Variants in ODAD2 observed in about 807,000 individuals in gnomAD.
The protein encoded by ODAD2 is outer dynein arm docking complex subunit 2.
ODAD2 carries 89 observed loss-of-function variants against 106.8 expected under a neutral mutation model. The ratio of observed to expected loss-of-function variants is 0.83; its 90% CI spans 0.70 to 0.99. ODAD2 has a LOEUF of 0.99. ODAD2 is among the 50% of genes least tolerant of loss of function. The pLI, the probability that ODAD2 is intolerant of heterozygous loss-of-function variation, is 0.00. For synonymous variants in ODAD2, 404 were observed against 436.2 expected (o/e 0.93, Z 0.92); for missense variants, 1,168 against 1,238.5 (o/e 0.94, Z 0.85).
chr10:27,950,366 C>T (rs1847245679), intron 10 of ODAD2, among the ~76,000 whole-genome samples: 1 of 152,248 alleles, frequency 6.6e-6, no homozygotes, highest in Non-Finnish European at 1.5e-5. Context: ...TGCTTTCCTT[C>T]TGTTTATTTG....
At chr10:27,959,805 C>T (rs1847997178) in intron 10 of ODAD2, among the ~76,000 whole-genome samples, 1 of 151,986 alleles carries the variant, frequency 6.6e-6, no homozygotes, top group Admixed American at 6.6e-5. Flanking sequence ...TCATAATAAA[C>T]AGTGAATCAT....
chr10:27,835,315 G>C (rs747631889), intron 19 of ODAD2, among the ~76,000 whole-genome samples: 1 of 152,194 alleles, frequency 6.6e-6, no homozygotes, highest in Non-Finnish European at 1.5e-5. Flanking sequence ...GTACAGGAAC[G>C]GGACTTTAAT....
intron 16 of ODAD2, among the ~76,000 whole-genome samples, chr10:27,909,778 A>G (rs1843862061): frequency 7.3e-6 from 1 of 137,328 alleles, no homozygotes; most frequent in South Asian, 2.5e-4. Flanking sequence ...AGATTGCACC[A>G]CTGCACTCCA....
intron 17 of ODAD2, among the ~76,000 whole-genome samples, chr10:27,877,960 A>G (rs1009673441): frequency 3.4e-4 from 51 of 152,186 alleles, no homozygotes; most frequent in African/African-American, 1.2e-3. Flanking sequence ...GACAAAACAA[A>G]AAACTTAGCT....
chr10:27,827,378 AC>A (rs1438340089), intron 19 of ODAD2, among the ~76,000 whole-genome samples: 2 of 47,568 alleles, frequency 4.2e-5, no homozygotes, highest in African/African-American at 1.3e-4. Context: ...ACACACACAC[AC>A]TATATATATA....
Position 27,940,587 on chromosome 10 carries a change from C to G in ODAD2, c.1962G>C (p.Gly654=). The G allele has an allele frequency of 6.2e-7, 1 of 1,614,084 alleles. No homozygotes were observed. The highest frequency in any genetic ancestry group is 1.6e-4 in the Middle Eastern group (1 of 6,062). Residue 654 remains glycine, a synonymous_variant, in exon 13 of 20, where the codon GGG becomes GGC. Coordinates refer to ENST00000305242, the MANE Select transcript of ODAD2 (RefSeq NM_018076.5). ...SHENMLIPVV[G]TLQECASEEN... is the part of the protein sequence containing the mutation. ...CCTCTGATGCACACTCTTGCAATGT[C>G]CCCACCACTGGAATTAGCATGTTTT...
In ODAD2 at chr10:27,985,433, C is replaced by A. The variant is rs7081236; in HGVS notation, c.383-222G>T. Among the ~76,000 whole-genome samples, 36,148 of 152,116 alleles carry A rather than the reference C, an allele frequency of 0.24. 4,442 individuals are homozygous for A. The highest frequency in any genetic ancestry group is 0.3 in the Middle Eastern group (89 of 294). On this transcript the variant is annotated intron_variant, in intron 3 of 19. Transcript: ENST00000305242. ...GATGCTCTAGTTTGTATTGTAACAT[C>A]ATCTATATATCTCCCTAATAGCACA...
chr10:27,838,434 A>G (rs930607448), intron 19 of ODAD2, among the ~76,000 whole-genome samples: 1 of 152,214 alleles, frequency 6.6e-6, no homozygotes, highest in Non-Finnish European at 1.5e-5. Context: ...GTGAGAACAA[A>G]TAGTTGTTGG....
chr10:27,993,376 G>C (rs753260008), intron 2 of ODAD2, among the ~76,000 whole-genome samples: 1 of 152,292 alleles, frequency 6.6e-6, no homozygotes, highest in South Asian at 2.1e-4. Flanking sequence ...CAGGCCGGGC[G>C]TGGTGGTTCA....
In ODAD2 at chr10:27,940,033, T is replaced by C. The variant is rs187023198; in HGVS notation, c.1987-26A>G. 361 of 1,499,044 alleles carry C rather than the reference T, an allele frequency of 2.4e-4. 6 individuals carry two copies. The Admixed American group carries it at 6.3e-3, about 26-fold the overall frequency. 92.9% of individuals were successfully genotyped at this position (1,499,044 alleles called of 1,614,324 possible). A position where few individuals can be genotyped will look rare whatever the true frequency, so the allele number is the denominator to read the frequency against. ...CTAGGAATAAAAACCTACATATTTA[T>C]GTGTTCAAGACGTGAATATAAGTAA... On this transcript the variant is annotated intron_variant, in intron 13 of 19. Transcript: ENST00000305242.
intron 17 of ODAD2, among the ~76,000 whole-genome samples, chr10:27,890,559 T>A (rs960912603): frequency 2.6e-5 from 4 of 152,076 alleles, no homozygotes; most frequent in African/African-American, 9.7e-5. Flanking sequence ...GTCAATTTCA[T>A]CCCTTTGTAG....
In ODAD2 at chr10:27,889,791, G is replaced by T. The variant is rs375575536; in HGVS notation, c.2610+17872C>A. ...TAAGCAGCCCCGTGACCTCAGTTTTGTTGGCCAATTTGAGATTGGTGATCT... is the reference window on the plus strand; with the variant it reads ...TAAGCAGCCCCGTGACCTCAGTTTTTTTGGCCAATTTGAGATTGGTGATCT... On this transcript the variant is annotated intron_variant, in intron 17 of 19. Coordinates refer to ENST00000305242, the MANE Select transcript of ODAD2 (RefSeq NM_018076.5). Among the ~76,000 whole-genome samples the T allele has an allele frequency of 1.6e-3, 242 of 152,236 alleles. 5 individuals carry two copies. The South Asian group carries it at 0.039, about 24-fold the overall frequency.
intron 19 of ODAD2, among the ~76,000 whole-genome samples, chr10:27,844,532 G>C (rs1889523): frequency 0.6 from 90,580 of 152,060 alleles, 27,331 homozygotes; most frequent in Middle Eastern, 0.7. Flanking sequence ...GTTCAGAGAG[G>C]AGCCTCTAAA....
intron 16 of ODAD2, among the ~76,000 whole-genome samples, chr10:27,914,738 T>C (rs1176122063): frequency 5.9e-5 from 9 of 152,082 alleles, no homozygotes; most frequent in African/African-American, 2.2e-4. Context: ...ACATACTTTA[T>C]ATATGTATAT....
intron 10 of ODAD2, among the ~76,000 whole-genome samples, chr10:27,948,177 A>G (rs1847072648): frequency 6.6e-6 from 1 of 152,236 alleles, no homozygotes; most frequent in Non-Finnish European, 1.5e-5. Context: ...TTAGATCCTT[A>G]TAGAAAAAAA....
intron 9 of ODAD2, among the ~76,000 whole-genome samples, chr10:27,968,108 T>C (rs1333201326): frequency 6.6e-6 from 1 of 151,574 alleles, no homozygotes; most frequent in African/African-American, 2.4e-5. Flanking sequence ...CAACAAGCTA[T>C]ATGAACATGC....
chr10:27,969,505 T>C (rs569600249), intron 8 of ODAD2, among the ~76,000 whole-genome samples: 2 of 152,424 alleles, frequency 1.3e-5, no homozygotes, highest in East Asian at 3.8e-4. Flanking sequence ...TAAAACTCAC[T>C]TGCCAGTTAA....
intron 2 of ODAD2, among the ~76,000 whole-genome samples, chr10:27,991,821 C>T (rs1165438031): frequency 6.6e-6 from 1 of 152,154 alleles, no homozygotes; most frequent in Non-Finnish European, 1.5e-5. Flanking sequence ...CACATGGATG[C>T]CCAGACCTGA....
At chr10:27,997,881 C>T (rs1236021554) in intron 1 of ODAD2, among the ~76,000 whole-genome samples, 1 of 152,126 alleles carries the variant, frequency 6.6e-6, no homozygotes, top group Non-Finnish European at 1.5e-5. Context: ...CAGCACACAC[C>T]TTTGAAGTAA....
Sources: allele counts gnomAD v4.1 joint callset (sites outside exome capture counted in the v4.1 genomes callset), GRCh38; gene constraint gnomAD v4.1.1; transcripts MANE v1.5; gene names NCBI Gene and HGNC (gene_info 2026-07-23, HGNC 2026-07-21).